The following SLC26A3 variants were observed in gnomAD, a reference collection of about 807,000 sequenced individuals.
The protein encoded by SLC26A3 is chloride anion exchanger.
Under a neutral mutation model 85.6 loss-of-function variants are expected in SLC26A3, and 64 were observed. The observed-to-expected ratio is 0.75, with a 90% CI of 0.61 to 0.92. SLC26A3 has a LOEUF of 0.92. Ranked by LOEUF, SLC26A3 falls within the 40% of genes least tolerant of loss-of-function variation. SLC26A3 has a pLI of 0.00. For synonymous variants in SLC26A3, 349 were observed against 336.0 expected, an observed-to-expected ratio of 1.04 and a Z score of -0.42; for missense variants, 922 against 927.3, an observed-to-expected ratio of 0.99 and a Z score of 0.07.
At chr7:107,793,409 C>A (rs1292434461) in intron 3 of SLC26A3, among the ~76,000 whole-genome samples, 1 of 152,100 alleles carries the variant, frequency 6.6e-6, no homozygotes, top group African/African-American at 2.4e-5. Context: ...ACTTATTTGT[C>A]CATAAAATGG....
At chr7:107,797,000 A>T (rs1217697179) in intron 1 of SLC26A3, among the ~76,000 whole-genome samples, 1 of 151,954 alleles carries the variant, frequency 6.6e-6, no homozygotes, top group Non-Finnish European at 1.5e-5. Flanking sequence ...TGCCGATGAC[A>T]GTGATGGGAG....
Position 107,774,368 on chromosome 7 carries a change from A to G in SLC26A3, c.1774-215T>C, listed in dbSNP as rs144527742. Among the ~76,000 whole-genome samples, 560 of 152,226 alleles carry G rather than the reference A, an allele frequency of 3.7e-3. 3 individuals are homozygous for G. The highest frequency in any genetic ancestry group is 0.013 in the African/African-American group (521 of 41,548). On this transcript the variant is annotated intron_variant, in intron 16 of 20. Transcript: ENST00000340010. ...GGAGTTTGAGACCAGCCAGGGCAAC[A>G]TGGTAAGACTCCATCTCTGCAAAAA...
intron 6 of SLC26A3, 63 bp from the exon 7 acceptor site, chr7:107,787,572 A>G: frequency 7.4e-7 from 1 of 1,359,392 alleles, no homozygotes; most frequent in Non-Finnish European, 1.0e-6. Context: ...GATACAACGC[A>G]TCTCCAAACA....
intron 4 of SLC26A3, 56 bp downstream of exon 4, chr7:107,791,774 T>C (rs1374276245): frequency 2.6e-6 from 3 of 1,146,436 alleles, no homozygotes; most frequent in Non-Finnish European, 4.0e-6. Context: ...GTATGGCTAA[T>C]AAAATTCATA....
In SLC26A3 at chr7:107,797,739, C is replaced by CATTTTTTTTTTTTTTTTTTT. The variant is rs781396459; in HGVS notation, c.-88-3143_-88-3142insAAAAAAAAAAAAAAAAAAAT. 4.7e-4 allele frequency among the ~76,000 whole-genome samples: 33 copies of CATTTTTTTTTTTTTTTTTTT among 70,500 alleles called. 3 individuals carry two copies. The highest frequency in any genetic ancestry group is 2.7e-3 in the African/African-American group (32 of 11,986). The allele number at this position is 70,500 out of a possible 152,430, so 46.3% of individuals were successfully genotyped here. On this transcript the variant is annotated intron_variant, in intron 1 of 20. Transcript: ENST00000340010. ...TCATTTCTGAGATTCTTGAGCAGGA[C>CATTTTTTTTTTTTTTTTTTT]CTTTTTTTTTTGAGACGGAGTCTTG...
intron 8 of SLC26A3, among the ~76,000 whole-genome samples, chr7:107,786,491 C>T (rs1794297156): frequency 6.6e-6 from 1 of 151,688 alleles, no homozygotes; most frequent in East Asian, 1.9e-4. Flanking sequence ...ACTTTCACTA[C>T]TTTGCTAACT....
At chr7:107,788,255 C>A (rs1427026687) in intron 6 of SLC26A3, among the ~76,000 whole-genome samples, 6 of 152,104 alleles carry the variant, frequency 3.9e-5, no homozygotes, top group African/African-American at 1.2e-4. Flanking sequence ...ATGTTAACAA[C>A]AAAAATTAAG....
intron 15 of SLC26A3, among the ~76,000 whole-genome samples, chr7:107,775,204 A>G (rs1794090467): frequency 1.3e-5 from 2 of 151,970 alleles, no homozygotes; most frequent in African/African-American, 4.8e-5. Context: ...TATTTTACTT[A>G]TTTTCTATTT....
intron 15 of SLC26A3, 120 bp downstream of exon 15, chr7:107,776,330 GAC>G (rs1166915817): frequency 4.8e-6 from 4 of 836,704 alleles, no homozygotes; most frequent in African/African-American, 3.4e-5. Context: ...AAAAAATACT[GAC>G]ACAACCCCAC....
Position 107,787,360 on chromosome 7 carries a change from A to G in SLC26A3, c.885T>C (p.Ile295=). ...KLPVPIPIEF[I]MTVIAAGVSY... ...GAGTCTGAAAATGATCAATTACCAT[A>G]ATGAATTCGATTGGAATGGGCACTG... Residue 295 remains isoleucine (I), a synonymous_variant, in exon 7 of 21, where the codon ATT becomes ATC. Transcript: ENST00000340010. 1 of 1,613,958 alleles carries G rather than the reference A, an allele frequency of 6.2e-7. No homozygotes were observed. The highest frequency in any genetic ancestry group is 8.5e-7 in the Non-Finnish European group (1 of 1,179,876).
chr7:107,784,785 C>T (rs568760812), intron 8 of SLC26A3, among the ~76,000 whole-genome samples: 3 of 152,312 alleles, frequency 2.0e-5, no homozygotes, highest in African/African-American at 7.2e-5. Flanking sequence ...AATGCAAATA[C>T]TATTTACACA....
intron 8 of SLC26A3, 133 bp downstream of exon 8, chr7:107,786,694 G>C: frequency 1.3e-6 from 1 of 799,626 alleles, no homozygotes; most frequent in South Asian, 1.3e-5. Flanking sequence ...CTTCCTTAGG[G>C]ATGCAGGGTG....
chr7:107,775,000 T>G lies in SLC26A3; in HGVS notation c.1678-128A>C, dbSNP rs1794087207. ...ATAATAAAAATATTTGTGACAAAAT[T>G]TAAAAGTGGTTTAAACAATATCAGC... On this transcript the variant is annotated intron_variant, in intron 15 of 20. Coordinates refer to ENST00000340010, the MANE Select transcript of SLC26A3 (RefSeq NM_000111.3). 15 of 778,726 alleles carry G rather than the reference T, an allele frequency of 1.9e-5. No individual in the cohort carries two copies. In the South Asian group the frequency reaches 2.2e-4, roughly 11 times the overall value. The allele number at this position is 778,726 out of a possible 1,614,324, so 48.2% of individuals were successfully genotyped here. A position where few individuals can be genotyped will look rare whatever the true frequency, so the allele number is the denominator to read the frequency against.
At chr7:107,769,803 T>G (rs1291690069) in intron 18 of SLC26A3, among the ~76,000 whole-genome samples, 2 of 152,160 alleles carry the variant, frequency 1.3e-5, no homozygotes, top group African/African-American at 4.8e-5. Flanking sequence ...AGGGAGAGAT[T>G]AAGGATGCCA....
chr7:107,768,199 G>A (rs1182817409), intron 18 of SLC26A3, among the ~76,000 whole-genome samples: 2 of 152,230 alleles, frequency 1.3e-5, no homozygotes, highest in East Asian at 3.8e-4. Context: ...TTAGGCAGGA[G>A]CCTAGTGAAT....
intron 1 of SLC26A3, among the ~76,000 whole-genome samples, chr7:107,798,110 G>A (rs975353447): frequency 6.6e-6 from 1 of 151,538 alleles, no homozygotes; most frequent in Non-Finnish European, 1.5e-5. Flanking sequence ...GCTTCCCTAC[G>A]ACGTGCTTTT....
intron 13 of SLC26A3, among the ~76,000 whole-genome samples, chr7:107,777,027 A>G (rs2115823592): frequency 6.6e-6 from 1 of 152,360 alleles, no homozygotes; most frequent in African/African-American, 2.4e-5. Flanking sequence ...TGTATGGATG[A>G]GAACATGGAA....
chr7:107,767,763 T>TA lies in SLC26A3; in HGVS notation c.2205+2dup. 6.2e-7 allele frequency: 1 copy of TA among 1,613,842 alleles called. No homozygotes were observed. Among genetic ancestry groups the TA allele is most frequent in the Non-Finnish European group, 8.5e-7 (1 of 1,179,826 alleles). On this transcript the variant is annotated splice_region_variant and intron_variant, in intron 19 of 20. Transcript: ENST00000340010. Reference sequence around the variant, plus strand: ...ATTGTGAAAGTCACCAAAGAGCTGATACCTGACTGGGATTAAACTTTGAAG... The same window carrying TA: ...ATTGTGAAAGTCACCAAAGAGCTGATAACCTGACTGGGATTAAACTTTGAAG...
Position 107,765,709 on chromosome 7 carries a change from A to T in SLC26A3, c.*146T>A. 1.6e-6 allele frequency: 1 copy of T among 618,724 alleles called. No individual in the cohort carries two copies. Among genetic ancestry groups the T allele is most frequent in the Non-Finnish European group, 2.9e-6 (1 of 344,978 alleles). The allele number at this position is 618,724 out of a possible 1,614,324, so 38.3% of individuals were successfully genotyped here. A position where few individuals can be genotyped will look rare whatever the true frequency, so the allele number is the denominator to read the frequency against. On this transcript the variant is annotated 3_prime_UTR_variant, in exon 21 of 21. Coordinates refer to ENST00000340010, the MANE Select transcript of SLC26A3 (RefSeq NM_000111.3). ...ATACTAGATATGTGAAAAATATGCC[A>T]TGCTAGAACCATCTTGTTCCAAAGT...
Sources: gnomAD v4.1 joint callset for allele counts (sites outside exome capture counted in the v4.1 genomes callset) on GRCh38, gnomAD v4.1.1 for gene constraint, MANE v1.5 for transcripts, NCBI Gene and HGNC (gene_info 2026-07-23, HGNC 2026-07-21) for gene names.